The following RFT1 variants were observed in gnomAD, a reference collection of about 807,000 sequenced individuals.
RFT1 encodes man(5)GlcNAc(2)-PP-dolichol translocation protein RFT1.
A neutral mutation model predicts 62.2 loss-of-function variants in RFT1; 43 were observed. The observed-to-expected ratio is 0.69, with a 90% CI of 0.54 to 0.89. The LOEUF (loss-of-function observed/expected upper bound fraction) is 0.89. RFT1 is among the 40% of genes least tolerant of loss of function. The pLI is 0.00. For synonymous variants in RFT1, 262 were observed against 264.6 expected, an observed-to-expected ratio of 0.99 and a Z score of 0.10; for missense variants, 605 against 649.9, an observed-to-expected ratio of 0.93 and a Z score of 0.75.
chr3:53,074,769 G>T, the RFT1 span, among the ~76,000 whole-genome samples: 1 of 152,172 alleles, frequency 6.6e-6, no homozygotes, highest in Non-Finnish European at 1.5e-5. Flanking sequence ...CGCACTCAGG[G>T]TATGTGCCAG....
At chr3:53,085,941 T>A (rs1044506316), downstream of RFT1, 8 of 152,214 alleles carry the variant, frequency 5.3e-5, no homozygotes, top group African/African-American at 1.9e-4. Context: ...TCTTCCCAAT[T>A]GTGCTCTGAT....
rs1253156868 is a variant in RFT1 at position 53,090,464 on chromosome 3, G to C, written c.*1439C>G. The C allele has an allele frequency of 6.6e-6, 1 of 152,318 alleles. No homozygotes were observed. Among genetic ancestry groups the C allele is most frequent in the African/African-American group, 2.4e-5 (1 of 41,456 alleles). The allele number at this position is 152,318 out of a possible 1,614,324, so 9.4% of individuals were successfully genotyped here. ...AATTGCTCAGGACACCTTGCATTTAGCTGCTTTTCTCCCACTTAGTGCAAA... is the reference window on the plus strand; with the variant it reads ...AATTGCTCAGGACACCTTGCATTTACCTGCTTTTCTCCCACTTAGTGCAAA... On this transcript the variant is annotated 3_prime_UTR_variant, in exon 13 of 13. Transcript: ENST00000296292.
At chr3:53,123,200 C>T (rs1702017616) in intron 3 of RFT1, among the ~76,000 whole-genome samples, 1 of 152,202 alleles carries the variant, frequency 6.6e-6, no homozygotes, top group Admixed American at 6.5e-5. Context: ...GGGGACCTAG[C>T]TGGAGAAAAG....
In RFT1 at chr3:53,123,502, C is replaced by T. The variant is rs577827012; in HGVS notation, c.266+222G>A. ...TAGAAACCTGGCCCAGAAACCCCAA[C>T]CCAGAACCTCTTCCTGGCTCCTGGA... On this transcript the variant is annotated intron_variant, in intron 3 of 12. Coordinates refer to ENST00000296292, the MANE Select transcript of RFT1 (RefSeq NM_052859.4). Among the ~76,000 whole-genome samples the T allele has an allele frequency of 5.9e-5, 9 of 152,336 alleles. No homozygotes were observed. In the South Asian group the frequency reaches 1.4e-3, roughly 25 times the overall value.
downstream of RFT1, among the ~76,000 whole-genome samples, chr3:53,087,930 G>A (rs1227957263): frequency 2.6e-5 from 4 of 152,310 alleles, no homozygotes; most frequent in South Asian, 2.1e-4. Flanking sequence ...AGTTCTCTGC[G>A]GAATCTGAAT....
chr3:53,127,954 GA>G (rs983736264), intron 1 of RFT1, among the ~76,000 whole-genome samples: 6 of 151,990 alleles, frequency 3.9e-5, no homozygotes, highest in Non-Finnish European at 4.4e-5. Flanking sequence ...TGTAATTCGA[GA>G]AAGCATACAA....
In RFT1 at chr3:53,122,364, G is replaced by A. The variant is rs991709419; in HGVS notation, c.456+10C>T. ...TCCCATTTCCCATTCACAGCAGAAG[G>A]TGCACTGACCTTGAGCTTCACAAAC... On this transcript the variant is annotated intron_variant, in intron 4 of 12. Coordinates refer to ENST00000296292, the MANE Select transcript of RFT1 (RefSeq NM_052859.4). 2 of 1,612,760 alleles carry A rather than the reference G, an allele frequency of 1.2e-6. No homozygotes were observed. Among genetic ancestry groups the A allele is most frequent in the African/African-American group, 1.3e-5 (1 of 74,816 alleles).
intron 10 of RFT1, among the ~76,000 whole-genome samples, chr3:53,100,614 G>A (rs978896714): frequency 1.3e-5 from 2 of 152,204 alleles, no homozygotes; most frequent in African/African-American, 2.4e-5. Context: ...TGATCCATGC[G>A]AAACCATGGA....
chr3:53,123,844 T>C lies in RFT1; in HGVS notation c.150-4A>G. On this transcript the variant is annotated splice_region_variant and splice_polypyrimidine_tract_variant and intron_variant, in intron 2 of 12. Transcript: ENST00000296292. ...GGTTGAGTAAAGCAGCGTTAGTCTG[T>C]AAATGAAAGGGAGAAATCAATAAGG... 2 of 1,609,004 alleles carry C rather than the reference T, an allele frequency of 1.2e-6. No individual in the cohort carries two copies. The highest frequency in any genetic ancestry group is 1.7e-6 in the Non-Finnish European group (2 of 1,175,422).
the RFT1 span, among the ~76,000 whole-genome samples, chr3:53,076,580 C>T: frequency 1.3e-5 from 2 of 152,148 alleles, no homozygotes; most frequent in Admixed American, 6.5e-5. Flanking sequence ...TACGCCAAAT[C>T]ATAGCATTTG....
chr3:53,086,668 G>A (rs1700862050), downstream of RFT1, among the ~76,000 whole-genome samples: 1 of 152,070 alleles, frequency 6.6e-6, no homozygotes, highest in Admixed American at 6.5e-5. Flanking sequence ...GAAATTTCTA[G>A]GGGACCCCTG....
chr3:53,074,017 C>G, the RFT1 span, among the ~76,000 whole-genome samples: 1 of 152,200 alleles, frequency 6.6e-6, no homozygotes, highest in Non-Finnish European at 1.5e-5. Context: ...TGCGGGGCCC[C>G]GGTGAGGCAG....
intron 11 of RFT1, among the ~76,000 whole-genome samples, chr3:53,093,268 A>G (rs75081682): frequency 6.6e-6 from 1 of 152,182 alleles, no homozygotes. Context: ...GCTATTTTCC[A>G]GACTCTTACA....
rs1249322729 is a variant in RFT1 at position 53,092,725 on chromosome 3, T to TGGAATCCA, written c.1209-115_1209-108dup. On this transcript the variant is annotated intron_variant, in intron 11 of 12. Transcript: ENST00000296292. ...AACTCACAGAAAGAACCTGAGCTCC[T>TGGAATCCA]GGAATCCAGGTTTTCATAACATCGA... is the stretch of plus-strand genomic sequence containing the variant. The TGGAATCCA allele has an allele frequency of 1.1e-5, 15 of 1,334,166 alleles. No individual in the cohort carries two copies. The East Asian group carries it at 3.8e-4, about 34-fold the overall frequency. 82.6% of individuals were successfully genotyped at this position (1,334,166 alleles called of 1,614,324 possible).
chr3:53,108,281 A>C (rs1479989162), intron 7 of RFT1, among the ~76,000 whole-genome samples: 4 of 151,174 alleles, frequency 2.6e-5, no homozygotes, highest in Non-Finnish European at 2.9e-5. Context: ...CGAACTCCTG[A>C]CCTCAAGTGA....
In RFT1 at chr3:53,123,808, A is replaced by G. The variant is rs758269687; in HGVS notation, c.182T>C (p.Leu61Pro). Residue 61 changes from leucine to proline, a missense_variant, in exon 3 of 13, where the codon CTG becomes CCG. Leu to Pro is a moderately conservative substitution (Grantham distance 98). Coordinates refer to ENST00000296292, the MANE Select transcript of RFT1 (RefSeq NM_052859.4). ...TGCTCTGCGGAAGGCCTCTCTGGCC[A>G]GGAAGAGGGTGGTTGAGTAAAGCAG... ...LTLLYSTTLF[L>P]AREAFRRACL... 4 of 1,614,198 alleles carry G rather than the reference A, an allele frequency of 2.5e-6. No homozygotes were observed. In the Admixed American group the frequency reaches 6.7e-5, roughly 27 times the overall value.
Position 53,091,713 on chromosome 3 carries a change from T to C in RFT1, c.*190A>G, listed in dbSNP as rs1330870758. ...TTTGGTCTTCACTTAAAAATGAAAC[T>C]CCCCCCCCGCATTTCAGACTTCGAA... On this transcript the variant is annotated 3_prime_UTR_variant, in exon 13 of 13. Transcript: ENST00000296292. The C allele has an allele frequency of 6.3e-6, 4 of 638,440 alleles. No homozygotes were observed. The highest frequency in any genetic ancestry group is 2.8e-5 in the East Asian group (1 of 35,916). 39.5% of individuals were successfully genotyped at this position (638,440 alleles called of 1,614,324 possible).
Position 53,091,883 on chromosome 3 carries a change from G to A in RFT1, c.*20C>T, listed in dbSNP as rs1310089028. 6.2e-7 allele frequency: 1 copy of A among 1,613,664 alleles called. No individual in the cohort carries two copies. Among genetic ancestry groups the A allele is most frequent in the East Asian group, 2.2e-5 (1 of 44,872 alleles). ...CCCATAGCTGGTCCAGGTGCCTCGG[G>A]TGTCCAGGCTTCCCTGAAGTCATGT... On this transcript the variant is annotated 3_prime_UTR_variant, in exon 13 of 13. Transcript: ENST00000296292.
chr3:53,076,540 C>T, the RFT1 span, among the ~76,000 whole-genome samples: 1 of 152,230 alleles, frequency 6.6e-6, no homozygotes, highest in African/African-American at 2.4e-5. Flanking sequence ...GTTTGCGTAG[C>T]GTTAAACATG....
Sources: gnomAD v4.1 joint callset for allele counts (sites outside exome capture counted in the v4.1 genomes callset) on GRCh38, gnomAD v4.1.1 for gene constraint, MANE v1.5 for transcripts, NCBI Gene and HGNC (gene_info 2026-07-23, HGNC 2026-07-21) for gene names.